Variants in TRERF1 observed in about 807,000 individuals in gnomAD.
TRERF1 encodes the protein transcriptional regulating factor 1, also known as transcriptional-regulating factor 1.
In TRERF1, 27 loss-of-function variants were observed where a neutral mutation model predicts 122.9. The ratio of observed to expected loss-of-function variants is 0.22; its 90% CI spans 0.16 to 0.30. TRERF1 has a LOEUF of 0.30. Among genes scored for constraint, TRERF1 ranks in the 10% least tolerant of loss-of-function variants. The pLI is 1.00. For synonymous variants in TRERF1, 636 were observed against 641.7 expected (o/e 0.99, Z 0.13); for missense variants, 1,248 against 1,560.3 (o/e 0.80, Z 3.37).
chr6:42,246,791 G>A (rs938768099), intron 13 of TRERF1, among the ~76,000 whole-genome samples: 1 of 152,132 alleles, frequency 6.6e-6, no homozygotes, highest in African/African-American at 2.4e-5. Context: ...CCTACAAATG[G>A]GAATAACTAT....
intron 3 of TRERF1, among the ~76,000 whole-genome samples, chr6:42,353,352 C>T (rs966311930): frequency 2.0e-5 from 3 of 151,396 alleles, no homozygotes; most frequent in Non-Finnish European, 2.9e-5. Flanking sequence ...TTTGGGAGGG[C>T]GAGGCGCATG....
intron 2 of TRERF1, among the ~76,000 whole-genome samples, chr6:42,425,669 G>A (rs931518951): frequency 7.3e-5 from 11 of 149,948 alleles, no homozygotes; most frequent in Admixed American, 2.7e-4. Context: ...TCAGCCTCCC[G>A]AGTAGCTGGG....
chr6:42,423,536 A>G (rs1783124510), intron 2 of TRERF1, among the ~76,000 whole-genome samples: 1 of 152,148 alleles, frequency 6.6e-6, no homozygotes, highest in Non-Finnish European at 1.5e-5. Context: ...CAGAGCTGAG[A>G]TCTCCCAGCA....
chr6:42,427,860 A>AAT (rs1230047085), intron 2 of TRERF1, among the ~76,000 whole-genome samples: 8 of 152,170 alleles, frequency 5.3e-5, no homozygotes, highest in Non-Finnish European at 7.4e-5. Context: ...CATTCTTTTT[A>AAT]ATATATATAA....
At position 42,232,631 on chromosome 6, in the gene TRERF1, G is replaced by A. The variant is rs779819732; in HGVS notation, c.3278+50C>T. On this transcript the variant is annotated intron_variant, in intron 17 of 17. Transcript: ENST00000372922. This position sits in a 1 kb window ranked among gnomAD's most constrained non-coding sequence, Gnocchi z 4.5. ...GCCATCCTGGCCCAGCTCCCATAGA[G>A]CGACTACCCATCATGAACTCAGATT... The A allele has an allele frequency of 6.6e-7, 1 of 1,520,722 alleles. No individual in the cohort carries two copies. The highest frequency in any genetic ancestry group is 8.9e-7 in the Non-Finnish European group (1 of 1,128,328). 94.2% of individuals were successfully genotyped at this position (1,520,722 alleles called of 1,614,324 possible). A position where few individuals can be genotyped will look rare whatever the true frequency, so the allele number is the denominator to read the frequency against.
rs1226855402 is a variant in TRERF1 at position 42,425,358 on chromosome 6, A to ACCC, written c.-454+25818_-454+25819insGGG. Among the ~76,000 whole-genome samples the ACCC allele has an allele frequency of 8.4e-4, 126 of 149,740 alleles. 1 individual carries two copies. Among genetic ancestry groups the ACCC allele is most frequent in the South Asian group, 2.6e-3 (12 of 4,688 alleles). ...TATGGAATAAATATGACAGCCCCCA[A>ACCC]CCAACCCCCTACATTTTACAGCAAA... On this transcript the variant is annotated intron_variant, in intron 2 of 17. Coordinates refer to ENST00000372922, the Ensembl canonical transcript of TRERF1.
At chr6:42,315,426 T>C (rs1208500845) in intron 3 of TRERF1, among the ~76,000 whole-genome samples, 1 of 152,168 alleles carries the variant, frequency 6.6e-6, no homozygotes, top group Non-Finnish European at 1.5e-5. Flanking sequence ...TCGTGCCTGC[T>C]GGAGTGTGAT....
chr6:42,436,282 T>C (rs260259), intron 2 of TRERF1, among the ~76,000 whole-genome samples: 10 of 151,592 alleles, frequency 6.6e-5, no homozygotes, highest in African/African-American at 2.4e-4. Flanking sequence ...GGCAGGAGAA[T>C]GGTGTGAACC....
At chr6:42,349,380 T>C (rs1249401751) in intron 3 of TRERF1, among the ~76,000 whole-genome samples, 1 of 151,900 alleles carries the variant, frequency 6.6e-6, no homozygotes, top group African/African-American at 2.4e-5. Flanking sequence ...TTCAACCACA[T>C]AGGCCAATAC....
intron 12 of TRERF1, among the ~76,000 whole-genome samples, chr6:42,256,320 T>C (rs993631574): frequency 1.3e-5 from 2 of 152,056 alleles, no homozygotes; most frequent in African/African-American, 4.8e-5. Context: ...TCTATAAACA[T>C]CAAACTTTGG....
intron 3 of TRERF1, among the ~76,000 whole-genome samples, chr6:42,316,836 A>C (rs1307332319): frequency 6.6e-6 from 1 of 152,100 alleles, no homozygotes; most frequent in Non-Finnish European, 1.5e-5. Flanking sequence ...CACCGCCCCC[A>C]GCTTGCCTTT....
chr6:42,317,516 G>A (rs1583001642), intron 3 of TRERF1, among the ~76,000 whole-genome samples: 1 of 151,556 alleles, frequency 6.6e-6, no homozygotes, highest in South Asian at 2.1e-4. Context: ...CATTATCCCC[G>A]GCTAATTAAA....
Position 42,259,475 on chromosome 6 carries a change from T to A in TRERF1, c.2133A>T (p.Pro711=), listed in dbSNP as rs1386023680. 2.5e-6 allele frequency: 4 copies of A among 1,605,752 alleles called. No individual in the cohort carries two copies. Among genetic ancestry groups the A allele is most frequent in the Non-Finnish European group, 3.4e-6 (4 of 1,178,518 alleles). The change falls in exon 9 of 18, where the codon CCA becomes CCT. Residue 711 remains proline (P), a synonymous_variant. Coordinates refer to ENST00000372922, the Ensembl canonical transcript of TRERF1. This position sits in a 1 kb window ranked among gnomAD's most constrained non-coding sequence, Gnocchi z 4.9. ...CCTGGCGCACCGGGCTCAGCATGGGTGGGGGCGTGTAAGGGGGCAGCTCGT... is the reference window on the plus strand; with the variant it reads ...CCTGGCGCACCGGGCTCAGCATGGGAGGGGGCGTGTAAGGGGGCAGCTCGT...
At chr6:42,324,697 A>G (rs1763990800) in intron 3 of TRERF1, among the ~76,000 whole-genome samples, 1 of 152,242 alleles carries the variant, frequency 6.6e-6, no homozygotes, top group Admixed American at 6.5e-5. Flanking sequence ...CTAGCTAACC[A>G]TATGCAGAAG....
intron 3 of TRERF1, among the ~76,000 whole-genome samples, chr6:42,348,250 T>C (rs1768724528): frequency 1.3e-5 from 2 of 152,110 alleles, no homozygotes; most frequent in African/African-American, 4.8e-5. Flanking sequence ...TTTTTTCTTT[T>C]TCTTCTTTTT....
exon 7 of TRERF1, chr6:42,264,789 C>A (rs1778857226): frequency 6.2e-7 from 1 of 1,614,242 alleles, no homozygotes; most frequent in Non-Finnish European, 8.5e-7. Context: ...CTCCTTCAGG[C>A]AGATGGAGCA....
chr6:42,404,698 C>T (rs1337178113), intron 2 of TRERF1, among the ~76,000 whole-genome samples: 1 of 151,834 alleles, frequency 6.6e-6, no homozygotes, highest in Non-Finnish European at 1.5e-5. Flanking sequence ...TTGATCCTAC[C>T]GTCTAACCGC....
At chr6:42,403,216 C>T (rs574143792) in intron 2 of TRERF1, among the ~76,000 whole-genome samples, 6 of 152,096 alleles carry the variant, frequency 3.9e-5, no homozygotes, top group African/African-American at 1.2e-4. Flanking sequence ...CAGGTAAAAA[C>T]GAGGCTGGTG....
rs1378855112 is a variant in TRERF1, at chr6:42,276,527, T to G, written c.-258-6679A>C. 1.3e-5 allele frequency among the ~76,000 whole-genome samples: 2 copies of G among 152,188 alleles called. No homozygotes were observed. The highest frequency in any genetic ancestry group is 4.8e-5 in the African/African-American group (2 of 41,454). Reference sequence around the variant, plus strand: ...TAGTCCAGCTCACTCCCAGCTCCCCTAAGCAGGCAGGAGCCAAGGGCGGCT... The same window carrying G: ...TAGTCCAGCTCACTCCCAGCTCCCCGAAGCAGGCAGGAGCCAAGGGCGGCT... On this transcript the variant is annotated intron_variant, in intron 4 of 17. Coordinates refer to ENST00000372922, the Ensembl canonical transcript of TRERF1. The surrounding 1 kb of genome is among the most constrained non-coding windows in gnomAD (Gnocchi z 4.3).
Sources: gnomAD v4.1 joint callset for allele counts (sites outside exome capture counted in the v4.1 genomes callset) on GRCh38, gnomAD v4.1.1 for gene constraint, Gnocchi (gnomAD v3.1) non-coding constraint, MANE v1.5 for transcripts, NCBI Gene and HGNC (gene_info 2026-07-23, HGNC 2026-07-21) for gene names.